The following IRAG2 variants were observed in gnomAD, a reference collection of about 807,000 sequenced individuals.
IRAG2 encodes inositol 1,4,5-triphosphate receptor associated 2.
A neutral mutation model predicts 69.9 loss-of-function variants in IRAG2; 45 were observed. That is an observed-to-expected ratio of 0.64 (90% CI 0.51 to 0.83). The LOEUF is 0.83. Ranked by LOEUF, IRAG2 falls within the 40% of genes least tolerant of loss-of-function variation. IRAG2 has a pLI of 0.00. For synonymous variants in IRAG2, 193 were observed against 202.4 expected (o/e 0.95, Z 0.40); for missense variants, 520 against 587.0 (o/e 0.89, Z 1.18).
chr12:25,083,730 T>C (rs1947378621), intron 10 of IRAG2, among the ~76,000 whole-genome samples: 1 of 152,246 alleles, frequency 6.6e-6, no homozygotes, highest in South Asian at 2.1e-4. Flanking sequence ...CCTTAATTTA[T>C]TGTTCATTCA....
At chr12:25,066,609 C>T (rs1945997224) in intron 5 of IRAG2, 97 bp downstream of exon 5, 1 of 391,624 alleles carries the variant, frequency 2.6e-6, no homozygotes, top group Non-Finnish European at 4.5e-6. Flanking sequence ...AACGTGAGAT[C>T]ACATCTTTAT....
At chr12:25,042,274 CAGCAA>C (rs1321528574) in intron 16 of IRAG2, among the ~76,000 whole-genome samples, 2 of 53,128 alleles carry the variant, frequency 3.8e-5, no homozygotes, top group African/African-American at 7.2e-5. Context: ...GCTATTTAGA[CAGCAA>C]AGTCTGAGAA....
intron 9 of IRAG2, among the ~76,000 whole-genome samples, chr12:25,028,636 T>G (rs1208832968): frequency 1.6e-4 from 24 of 152,190 alleles, no homozygotes; most frequent in Admixed American, 1.6e-3. Flanking sequence ...CTGTCACACA[T>G]TCTCATCAGG....
At chr12:25,063,323 A>C (rs970862843) in intron 3 of IRAG2, among the ~76,000 whole-genome samples, 2 of 152,216 alleles carry the variant, frequency 1.3e-5, no homozygotes, top group South Asian at 2.1e-4. Context: ...AAGTGCTGGG[A>C]TTACAGGCAT....
At chr12:25,053,881 T>G (rs1945039307) in intron 1 of IRAG2, among the ~76,000 whole-genome samples, 1 of 151,872 alleles carries the variant, frequency 6.6e-6, no homozygotes, top group African/African-American at 2.4e-5. Flanking sequence ...TATTGTACCC[T>G]TTCTACTATT....
At chr12:25,010,757 A>G (rs1944467949) in intron 2 of IRAG2, among the ~76,000 whole-genome samples, 1 of 152,054 alleles carries the variant, frequency 6.6e-6, no homozygotes, top group Non-Finnish European at 1.5e-5. Flanking sequence ...CTTTGCAAGT[A>G]GCCAGCCCAA....
rs755326897 is a variant in IRAG2, at chr12:25,101,282, T to C, written c.846T>C (p.Val282=). ...CTGAATTAGAAGAACTGAAACAGGT[T>C]CTTCTGCAGAATGAAAGGTCTTTCA... ...EHAELEELKQ[V]LLQNERSFNP... Residue 282 remains valine, a synonymous_variant, in exon 16 of 22, where the codon GTT becomes GTC. Coordinates refer to ENST00000556887, the MANE Select transcript of IRAG2 (RefSeq NM_001366544.2). The C allele has an allele frequency of 1.1e-5, 18 of 1,610,760 alleles. No homozygotes were observed. Among genetic ancestry groups the C allele is most frequent in the African/African-American group, 2.7e-5 (2 of 74,850 alleles).
chr12:25,005,555 G>C (rs948210147), intron 2 of IRAG2, among the ~76,000 whole-genome samples: 1 of 152,092 alleles, frequency 6.6e-6, no homozygotes, highest in Non-Finnish European at 1.5e-5. Flanking sequence ...TACCTGTTTT[G>C]CATCAGCATA....
chr12:25,041,888 A>G (rs552890332), intron 16 of IRAG2, among the ~76,000 whole-genome samples: 33 of 148,004 alleles, frequency 2.2e-4, no homozygotes, highest in Non-Finnish European at 4.1e-4. Context: ...TAAAAAAAAG[A>G]CATAAAATAA....
At chr12:25,006,967 A>G (rs1944438015) in intron 2 of IRAG2, among the ~76,000 whole-genome samples, 1 of 152,250 alleles carries the variant, frequency 6.6e-6, no homozygotes. Context: ...GAAGGAAAAA[A>G]AATTGGTAAT....
chr12:25,011,412 A>G, exon 3 of IRAG2: 1 of 1,231,728 alleles, frequency 8.1e-7, no homozygotes, highest in Non-Finnish European at 1.0e-6. Flanking sequence ...CCTGAGACAA[A>G]CAACTAGCCA....
chr12:25,027,031 CT>C (rs36008257), intron 9 of IRAG2, among the ~76,000 whole-genome samples: 91,661 of 146,856 alleles, frequency 0.62, 29,033 homozygotes, highest in East Asian at 0.73. Flanking sequence ...CCTTTTCCTT[CT>C]TTTTTTTTTT....
At chr12:25,008,104 A>G (rs1157224211) in intron 2 of IRAG2, among the ~76,000 whole-genome samples, 1 of 152,232 alleles carries the variant, frequency 6.6e-6, no homozygotes, top group Non-Finnish European at 1.5e-5. Context: ...GAAGGCAACT[A>G]TTGATGATGA....
chr12:25,087,678 G>A (rs1415189959), intron 10 of IRAG2, among the ~76,000 whole-genome samples: 1 of 152,016 alleles, frequency 6.6e-6, no homozygotes, highest in Admixed American at 6.6e-5. Context: ...AGTCGCTGCT[G>A]AGCCAGGGAT....
chr12:25,036,554 C>A (rs917772890), intron 14 of IRAG2: 1 of 398,528 alleles, frequency 2.5e-6, no homozygotes, highest in Non-Finnish European at 4.4e-6. Context: ...CATATGTCTT[C>A]CTAGTTGAAG....
At chr12:25,101,377 C>G (rs761151281) in intron 16 of IRAG2, 52 bp downstream of exon 16, 1 of 1,352,196 alleles carries the variant, frequency 7.4e-7, no homozygotes, top group Non-Finnish European at 1.0e-6. Context: ...ACATTCTCCT[C>G]TTTTTTGCTA....
intron 17 of IRAG2, chr12:25,103,136 GTTTA>G (rs1265026081): frequency 6.6e-6 from 1 of 152,064 alleles, no homozygotes; most frequent in Non-Finnish European, 1.5e-5. Flanking sequence ...CCTTAAATTA[GTTTA>G]TTTATTACAT....
chr12:25,035,195 T>C (rs1944693727), intron 13 of IRAG2, among the ~76,000 whole-genome samples: 1 of 152,176 alleles, frequency 6.6e-6, no homozygotes, highest in Non-Finnish European at 1.5e-5. Flanking sequence ...GGGTCATATA[T>C]TTAAAATATG....
rs1370401343 is a variant in IRAG2 at position 25,079,775 on chromosome 12, A to T, written c.244+12A>T. ...GATAGAGGCCCAAGGTAAAATGTTG[A>T]CAGGTGTAAGCATGATTTTAATTCT... On this transcript the variant is annotated intron_variant, in intron 9 of 21. Transcript: ENST00000556887. 7.1e-6 allele frequency: 11 copies of T among 1,548,498 alleles called. No individual in the cohort carries two copies. Among genetic ancestry groups the T allele is most frequent in the Non-Finnish European group, 6.2e-6 (7 of 1,120,254 alleles).
Sources: gnomAD v4.1 joint callset for allele counts (sites outside exome capture counted in the v4.1 genomes callset) on GRCh38, gnomAD v4.1.1 for gene constraint, MANE v1.5 for transcripts, NCBI Gene and HGNC (gene_info 2026-07-23, HGNC 2026-07-21) for gene names.